Variants in THSD7B observed in about 807,000 individuals in gnomAD.
THSD7B encodes thrombospondin type 1 domain containing 7B.
A neutral mutation model predicts 213.6 loss-of-function variants in THSD7B; 138 were observed. The ratio of observed to expected loss-of-function variants is 0.65; its 90% CI spans 0.56 to 0.74. THSD7B has a LOEUF of 0.74. Ranked by LOEUF, THSD7B falls within the 30% of genes least tolerant of loss-of-function variation. The probability of loss-of-function intolerance (pLI) is 0.00; values close to 1 mark genes in which losing one functional copy is unlikely to be tolerated. For synonymous variants in THSD7B, 742 were observed against 687.0 expected (o/e 1.08, Z -1.25); for missense variants, 1,931 against 1,991.5 (o/e 0.97, Z 0.58).
chr2:137,676,279 A>C (rs1332827125), intron 27 of THSD7B, among the ~76,000 whole-genome samples: 2 of 152,182 alleles, frequency 1.3e-5, no homozygotes, highest in Non-Finnish European at 2.9e-5. Context: ...TAAAAGGAAA[A>C]CAACTCTTCT....
intron 1 of THSD7B, among the ~76,000 whole-genome samples, chr2:136,780,445 T>C (rs892806353): frequency 1.3e-5 from 2 of 152,194 alleles, no homozygotes; most frequent in African/African-American, 4.8e-5. Flanking sequence ...GACACAAACA[T>C]TCAGATAATA....
Position 137,135,135 on chromosome 2 carries a change from A to G in THSD7B, c.1369+19842A>G, listed in dbSNP as rs147271676. Among the ~76,000 whole-genome samples the G allele has an allele frequency of 9.5e-4, 144 of 152,204 alleles. 1 individual carries two copies. The highest frequency in any genetic ancestry group is 3.3e-3 in the African/African-American group (137 of 41,522). On this transcript the variant is annotated intron_variant, in intron 5 of 27. Coordinates refer to ENST00000409968, the MANE Select transcript of THSD7B (RefSeq NM_001316349.2). Reference sequence around the variant, plus strand: ...TTTAAAAAGTAGTCAGTAAATGTTAACTCTTAAATTATTATTGCCATTCTA... The same window carrying G: ...TTTAAAAAGTAGTCAGTAAATGTTAGCTCTTAAATTATTATTGCCATTCTA...
intron 2 of THSD7B, among the ~76,000 whole-genome samples, chr2:136,988,184 G>A (rs1685701700): frequency 6.6e-6 from 1 of 152,102 alleles, no homozygotes; most frequent in African/African-American, 2.4e-5. Flanking sequence ...AATCACTAAT[G>A]TGCTTTAGGT....
At chr2:136,860,774 A>G (rs1683246515) in intron 1 of THSD7B, among the ~76,000 whole-genome samples, 1 of 152,240 alleles carries the variant, frequency 6.6e-6, no homozygotes, top group African/African-American at 2.4e-5. Context: ...ACATGACGTC[A>G]CTGTTCTGTT....
chr2:136,823,353 G>C (rs1327686238), intron 1 of THSD7B, among the ~76,000 whole-genome samples: 1 of 152,178 alleles, frequency 6.6e-6, no homozygotes, highest in Non-Finnish European at 1.5e-5. Context: ...GTTTCATTTT[G>C]TTTTCTCTTG....
intron 1 of THSD7B, among the ~76,000 whole-genome samples, chr2:136,779,290 T>G (rs961548051): frequency 1.3e-5 from 2 of 151,066 alleles, no homozygotes; most frequent in African/African-American, 2.4e-5. Flanking sequence ...CTTATAATAT[T>G]TATAAAGTTT....
At chr2:137,544,004 T>C (rs1236073853) in intron 15 of THSD7B, among the ~76,000 whole-genome samples, 2 of 151,800 alleles carry the variant, frequency 1.3e-5, no homozygotes, top group Non-Finnish European at 2.9e-5. Context: ...AATCATCATG[T>C]ATTGTTGGTG....
At chr2:137,614,209 A>C (rs1008848214) in intron 17 of THSD7B, among the ~76,000 whole-genome samples, 4 of 152,200 alleles carry the variant, frequency 2.6e-5, no homozygotes, top group African/African-American at 9.6e-5. Context: ...AACTATACCC[A>C]TCAGACTTAT....
Position 137,398,849 on chromosome 2 carries a change from C to T in THSD7B, c.2501-6764C>T, listed in dbSNP as rs531098557. 7.3e-4 allele frequency among the ~76,000 whole-genome samples: 111 copies of T among 152,302 alleles called. 2 individuals carry two copies. The highest frequency in any genetic ancestry group is 1.7e-3 in the African/African-American group (72 of 41,572). On this transcript the variant is annotated intron_variant, in intron 12 of 27. Coordinates refer to ENST00000409968, the MANE Select transcript of THSD7B (RefSeq NM_001316349.2). ...GGCGTAGGACCCTCCAAGCCAGGTG[C>T]GGGATATAATCTCTTGGTGCACCGT...
At chr2:137,630,252 C>G (rs980998058) in intron 20 of THSD7B, among the ~76,000 whole-genome samples, 3 of 152,168 alleles carry the variant, frequency 2.0e-5, no homozygotes, top group African/African-American at 7.2e-5. Flanking sequence ...CCTCGGCCCC[C>G]CAAAGTGCTG....
intron 15 of THSD7B, among the ~76,000 whole-genome samples, chr2:137,528,727 A>G (rs549005430): frequency 9.9e-5 from 15 of 152,164 alleles, no homozygotes; most frequent in Non-Finnish European, 2.2e-4. Context: ...TCTGAGGACA[A>G]CTTGTATCAG....
At position 137,546,367 on chromosome 2, in the gene THSD7B, T is replaced by TATATATAATATATATA. The variant is rs1680711390; in HGVS notation, c.3139-16847_3139-16846insATATATATAATATATA. ...GAAGTCAGCATATATATATATTATA[T>TATATATAATATATATA]ATATATATAATATATATATTATATA... On this transcript the variant is annotated intron_variant, in intron 15 of 27. Coordinates refer to ENST00000409968, the MANE Select transcript of THSD7B (RefSeq NM_001316349.2). 3.5e-5 allele frequency among the ~76,000 whole-genome samples: 2 copies of TATATATAATATATATA among 57,766 alleles called. 1 individual carries two copies. The highest frequency in any genetic ancestry group is 6.1e-5 in the Non-Finnish European group (2 of 32,950). The allele number at this position is 57,766 out of a possible 152,430, so 37.9% of individuals were successfully genotyped here.
At chr2:137,368,361 A>C (rs981392262) in intron 12 of THSD7B, among the ~76,000 whole-genome samples, 2 of 151,968 alleles carry the variant, frequency 1.3e-5, no homozygotes, top group Non-Finnish European at 2.9e-5. Flanking sequence ...TTCACTTAAA[A>C]ATTTTTTAAA....
chr2:136,863,328 C>CTATTTG (rs1392740036), intron 1 of THSD7B, among the ~76,000 whole-genome samples: 1 of 152,178 alleles, frequency 6.6e-6, no homozygotes, highest in Non-Finnish European at 1.5e-5. Context: ...TTGATGTTGG[C>CTATTTG]AAGTTTTGAG....
chr2:136,864,799 A>G (rs1411404730), intron 1 of THSD7B, among the ~76,000 whole-genome samples: 2 of 151,994 alleles, frequency 1.3e-5, no homozygotes, highest in East Asian at 1.9e-4. Context: ...TTATCCGCCC[A>G]CCTTGGCCTC....
chr2:137,450,771 A>T (rs1001719906), intron 14 of THSD7B, 74 bp from the exon 15 acceptor site: 1 of 1,187,150 alleles, frequency 8.4e-7, no homozygotes, highest in Non-Finnish European at 1.2e-6. Context: ...CCAAACTGTG[A>T]TCATGGAAAT....
intron 14 of THSD7B, among the ~76,000 whole-genome samples, chr2:137,443,207 G>A (rs1246426162): frequency 6.6e-6 from 1 of 152,022 alleles, no homozygotes; most frequent in Non-Finnish European, 1.5e-5. Flanking sequence ...CTGCCTATAA[G>A]AACAACTGAG....
chr2:137,054,878 A>C (rs1687131893), intron 2 of THSD7B, among the ~76,000 whole-genome samples: 1 of 151,962 alleles, frequency 6.6e-6, no homozygotes, highest in South Asian at 2.1e-4. Flanking sequence ...CCCATCATCT[A>C]GGTTTTAAGC....
At chr2:137,392,001 T>C (rs10201202) in intron 12 of THSD7B, among the ~76,000 whole-genome samples, 34,434 of 152,152 alleles carry the variant, frequency 0.23, 4,036 homozygotes, top group South Asian at 0.27. Context: ...CTTCCTTGAC[T>C]CAGGATCGTT....
Sources: gnomAD v4.1 joint callset for allele counts (sites outside exome capture counted in the v4.1 genomes callset) on GRCh38, gnomAD v4.1.1 for gene constraint, MANE v1.5 for transcripts, NCBI Gene and HGNC (gene_info 2026-07-23, HGNC 2026-07-21) for gene names.